The following CPEB4 variants were observed in gnomAD, a reference collection of about 807,000 sequenced individuals.
CPEB4 encodes the protein cytoplasmic polyadenylation element-binding protein 4.
In CPEB4, 12 loss-of-function variants were observed where a neutral mutation model predicts 72.5. The observed-to-expected ratio is 0.17, with a 90% CI of 0.11 to 0.27. The LOEUF is 0.27. Ranked by LOEUF, CPEB4 falls within the 10% of genes least tolerant of loss-of-function variation. The probability of loss-of-function intolerance (pLI) is 1.00; values close to 1 mark genes in which losing one functional copy is unlikely to be tolerated. For missense variants in CPEB4, 614 were observed against 908.5 expected, an observed-to-expected ratio of 0.68 and a Z score of 4.17; for synonymous variants, 302 against 326.3, an observed-to-expected ratio of 0.93 and a Z score of 0.80.
rs1013046948 is a variant in CPEB4 at position 173,900,481 on chromosome 5, A to G, written c.1125+9623A>G. On this transcript the variant is annotated intron_variant, in intron 1 of 9. Coordinates refer to ENST00000265085, the MANE Select transcript of CPEB4 (RefSeq NM_030627.4). The surrounding 1 kb of genome is among the most constrained non-coding windows in gnomAD (Gnocchi z 4.4). Reference sequence around the variant, plus strand: ...CGGACCCTGCTCAGACCTAGCAGACATGGAGAACAGGAACTCTAACAGCCA... The same window carrying G: ...CGGACCCTGCTCAGACCTAGCAGACGTGGAGAACAGGAACTCTAACAGCCA... Among the ~76,000 whole-genome samples the G allele has an allele frequency of 2.0e-5, 3 of 152,106 alleles. No homozygotes were observed. Among genetic ancestry groups the G allele is most frequent in the East Asian group, 1.9e-4 (1 of 5,194 alleles).
At chr5:173,906,410 A>G (rs1756437659) in intron 1 of CPEB4, among the ~76,000 whole-genome samples, 1 of 152,246 alleles carries the variant, frequency 6.6e-6, no homozygotes, top group Admixed American at 6.5e-5. Context: ...TGAGAACAGA[A>G]TGTTTACTTG....
At position 173,890,762 on chromosome 5, in the gene CPEB4, T is replaced by G. The variant is rs143942119; in HGVS notation, c.1029T>G (p.Ile343Met). ...PLKKNFASNH[I>M]QLQKYARPSS... Reference sequence around the variant, plus strand: ...AGAAAAATTTTGCAAGCAATCATATTCAGCTCCAGAAGTATGCTCGCCCCA... The same window carrying G: ...AGAAAAATTTTGCAAGCAATCATATGCAGCTCCAGAAGTATGCTCGCCCCA... The change falls in exon 1 of 10, where the codon ATT (isoleucine) becomes ATG (methionine). Residue 343 changes from isoleucine (I) to methionine (M), a missense_variant. Ile to Met is a conservative substitution (Grantham distance 10, BLOSUM62 1). Coordinates refer to ENST00000265085, the MANE Select transcript of CPEB4 (RefSeq NM_030627.4). 3 of 1,614,170 alleles carry G rather than the reference T, an allele frequency of 1.9e-6. No homozygotes were observed. Among genetic ancestry groups the G allele is most frequent in the Non-Finnish European group, 2.5e-6 (3 of 1,180,040 alleles).
In CPEB4 at chr5:173,888,599, TA is replaced by T. The variant is rs5873396; in HGVS notation, c.-1126del. On this transcript the variant is annotated 5_prime_UTR_variant, in exon 1 of 10. Coordinates refer to ENST00000265085, the MANE Select transcript of CPEB4 (RefSeq NM_030627.4). This position sits in a 1 kb window ranked among gnomAD's most constrained non-coding sequence, Gnocchi z 4.3. ...AACAAAAGCCTTCTAAATTATAGTT[TA>T]AAAAAAAATTCTGGGGGAAAAGAGA... 1.2e-3 allele frequency: 474 copies of T among 398,636 alleles called. 3 individuals are homozygous for T. In the East Asian group the frequency reaches 0.015, roughly 13 times the overall value. The allele number at this position is 398,636 out of a possible 1,614,324, so 24.7% of individuals were successfully genotyped here. A position where few individuals can be genotyped will look rare whatever the true frequency, so the allele number is the denominator to read the frequency against.
chr5:173,920,083 T>C (rs1471322199), intron 2 of CPEB4, among the ~76,000 whole-genome samples: 1 of 152,254 alleles, frequency 6.6e-6, no homozygotes, highest in East Asian at 1.9e-4. Flanking sequence ...TCAGGCTGCC[T>C]CTGGGCTTCA....
intron 6 of CPEB4, 98 bp downstream of exon 6, chr5:173,949,695 T>C (rs1037188420): frequency 6.2e-5 from 51 of 827,464 alleles, no homozygotes; most frequent in Non-Finnish European, 9.2e-5. Flanking sequence ...AAATGTTGCA[T>C]TGTTAAACTT....
chr5:173,930,057 T>G (rs1581146010), intron 2 of CPEB4, among the ~76,000 whole-genome samples: 2 of 140,562 alleles, frequency 1.4e-5, no homozygotes, highest in Non-Finnish European at 3.1e-5. Context: ...ACCTCCCAAG[T>G]TTTTTTTTTT....
At chr5:173,930,861 C>T (rs950346705) in intron 2 of CPEB4, among the ~76,000 whole-genome samples, 1 of 151,682 alleles carries the variant, frequency 6.6e-6, no homozygotes, top group Non-Finnish European at 1.5e-5. Flanking sequence ...TGGTAGCGGG[C>T]GCCTGTAGTC....
At chr5:173,932,126 T>A (rs1581148648) in intron 2 of CPEB4, among the ~76,000 whole-genome samples, 1 of 152,302 alleles carries the variant, frequency 6.6e-6, no homozygotes, top group East Asian at 1.9e-4. Context: ...AACAAAACAC[T>A]ACACAAATGA....
intron 2 of CPEB4, among the ~76,000 whole-genome samples, chr5:173,916,254 G>A (rs889698231): frequency 6.6e-6 from 1 of 152,084 alleles, no homozygotes; most frequent in Admixed American, 6.5e-5. Flanking sequence ...TCATATTGTT[G>A]TAGAATATAT....
In CPEB4 at chr5:173,921,829, C is replaced by T. The variant is rs112240876; in HGVS notation, c.1208-10621C>T. ...GATGCTGTGCTGCATTTTTCCTTTT[C>T]GAGGTAGACCTGGACATTCTGTATG... On this transcript the variant is annotated intron_variant, in intron 2 of 9. Coordinates refer to ENST00000265085, the MANE Select transcript of CPEB4 (RefSeq NM_030627.4). Among the ~76,000 whole-genome samples, 28 of 152,270 alleles carry T rather than the reference C, an allele frequency of 1.8e-4. No homozygotes were observed. In the South Asian group the frequency reaches 5.2e-3, roughly 28 times the overall value.
chr5:173,908,527 T>C (rs1317139870), intron 1 of CPEB4, among the ~76,000 whole-genome samples: 1 of 152,170 alleles, frequency 6.6e-6, no homozygotes. Flanking sequence ...GTTGCAGTGG[T>C]ATTATAAAAC....
chr5:173,951,928 A>T lies in CPEB4; in HGVS notation c.1770A>T (p.Pro590=). The part of the protein sequence containing the change: ...KTIFVGGVPR[P]LRAVELAMIM... ...TATTTGTTGGTGGTGTTCCTCGACC[A>T]TTACGAGCTGGTATGATTAAACAAA... The change falls in exon 8 of 10, where the codon CCA becomes CCT. Residue 590 remains proline, a synonymous_variant. Coordinates refer to ENST00000265085, the MANE Select transcript of CPEB4 (RefSeq NM_030627.4). The T allele has an allele frequency of 6.2e-7, 1 of 1,607,678 alleles. No individual in the cohort carries two copies. Among genetic ancestry groups the T allele is most frequent in the South Asian group, 1.1e-5 (1 of 90,946 alleles).
intron 2 of CPEB4, among the ~76,000 whole-genome samples, chr5:173,913,107 C>T (rs554715829): frequency 7.3e-5 from 11 of 151,724 alleles, no homozygotes; most frequent in African/African-American, 2.4e-4. Context: ...TTACAAACAG[C>T]AGTGGATAGA....
At chr5:173,936,387 A>T (rs1265790504) in intron 3 of CPEB4, among the ~76,000 whole-genome samples, 1 of 152,144 alleles carries the variant, frequency 6.6e-6, no homozygotes, top group Non-Finnish European at 1.5e-5. Context: ...TGGATTAGGG[A>T]CCACCCAAGT....
chr5:173,898,217 A>C (rs1023926279), intron 1 of CPEB4, among the ~76,000 whole-genome samples: 10 of 152,182 alleles, frequency 6.6e-5, no homozygotes, highest in African/African-American at 2.4e-4. Flanking sequence ...TAACAATTTA[A>C]ATAATAGTTC....
At position 173,911,294 on chromosome 5, in the gene CPEB4, G is replaced by A. The variant is rs373432260; in HGVS notation, c.1207+690G>A. On this transcript the variant is annotated intron_variant, in intron 2 of 9. Transcript: ENST00000265085. ...GCATGTTTTTATTTTTTTTTGAGAC[G>A]GAGTCTTGCCCTGTCGCCAGGCTGG... is the stretch of plus-strand genomic sequence containing the variant. Among the ~76,000 whole-genome samples the A allele has an allele frequency of 1.1e-4, 16 of 149,002 alleles. No individual in the cohort carries two copies. The East Asian group carries it at 2.1e-3, about 20-fold the overall frequency.
intron 2 of CPEB4, among the ~76,000 whole-genome samples, chr5:173,930,392 G>A (rs983922213): frequency 6.6e-6 from 1 of 152,064 alleles, no homozygotes; most frequent in Non-Finnish European, 1.5e-5. Flanking sequence ...TCATGTTCTT[G>A]CTCGTAGCAT....
intron 3 of CPEB4, among the ~76,000 whole-genome samples, chr5:173,939,901 C>T (rs1035164107): frequency 7.0e-6 from 1 of 142,378 alleles, no homozygotes; most frequent in African/African-American, 2.6e-5. Context: ...TGCCTGAGCT[C>T]GGGGGTTTGA....
chr5:173,915,226 G>T (rs1231313498), intron 2 of CPEB4, among the ~76,000 whole-genome samples: 1 of 152,128 alleles, frequency 6.6e-6, no homozygotes, highest in African/African-American at 2.4e-5. Flanking sequence ...ATTCCAACTG[G>T]TTTGTTGGAA....
Sources: gnomAD v4.1 joint callset for allele counts (sites outside exome capture counted in the v4.1 genomes callset) on GRCh38, gnomAD v4.1.1 for gene constraint, Gnocchi (gnomAD v3.1) non-coding constraint, MANE v1.5 for transcripts, NCBI Gene and HGNC (gene_info 2026-07-23, HGNC 2026-07-21) for gene names.